CADPS2: variants seen among roughly 807,000 people sequenced by gnomAD.
CADPS2 encodes the protein calcium dependent secretion activator 2.
CADPS2 carries 93 observed loss-of-function variants against 172.5 expected under a neutral mutation model. The observed-to-expected ratio is 0.54, with a 90% CI of 0.46 to 0.64. The LOEUF is 0.64. CADPS2 is among the 30% of genes least tolerant of loss of function. CADPS2 has a pLI of 0.00. For synonymous variants in CADPS2, 546 were observed against 555.2 expected (o/e 0.98, Z 0.23); for missense variants, 1,420 against 1,565.9 (o/e 0.91, Z 1.57).
At chr7:122,479,303 C>G (rs1266240390) in intron 12 of CADPS2, among the ~76,000 whole-genome samples, 1 of 152,186 alleles carries the variant, frequency 6.6e-6, no homozygotes, top group Non-Finnish European at 1.5e-5. Flanking sequence ...TTTACCACTA[C>G]TCACATCTGA....
At chr7:122,666,346 C>CTT (rs35558114) in intron 2 of CADPS2, among the ~76,000 whole-genome samples, 47,077 of 133,276 alleles carry the variant, frequency 0.35, 9,067 homozygotes, top group African/African-American at 0.44. Context: ...TCTGCTAACA[C>CTT]TTTTTTTTTT....
intron 20 of CADPS2, 67 bp from the exon 21 acceptor site, chr7:122,393,649 C>CA (rs973144061): frequency 1.4e-5 from 21 of 1,542,128 alleles, no homozygotes; most frequent in Admixed American, 1.1e-4. Context: ...AAATATGGGC[C>CA]AAAAAAACAC....
At chr7:122,782,338 A>T (rs1792944551) in intron 1 of CADPS2, among the ~76,000 whole-genome samples, 2 of 151,080 alleles carry the variant, frequency 1.3e-5, no homozygotes, top group Non-Finnish European at 2.9e-5. Context: ...AAATAACAGT[A>T]TAGTTCAGTA....
At chr7:122,431,814 C>A (rs903930209) in intron 17 of CADPS2, among the ~76,000 whole-genome samples, 6 of 151,594 alleles carry the variant, frequency 4.0e-5, no homozygotes, top group Non-Finnish European at 8.8e-5. Flanking sequence ...CATGGTGAAA[C>A]CCCGGCTCTA....
intron 1 of CADPS2, among the ~76,000 whole-genome samples, chr7:122,787,487 T>A (rs1794315123): frequency 6.6e-6 from 1 of 152,210 alleles, no homozygotes; most frequent in South Asian, 2.1e-4. Context: ...GAAGAATTAT[T>A]CAACTTCAAA....
chr7:122,476,908 A>G (rs1029537355), intron 12 of CADPS2, among the ~76,000 whole-genome samples: 1 of 149,136 alleles, frequency 6.7e-6, no homozygotes, highest in African/African-American at 2.5e-5. Flanking sequence ...CTTAGTTTCC[A>G]TGAATTTATG....
intron 27 of CADPS2, among the ~76,000 whole-genome samples, chr7:122,356,568 T>C (rs2039435819): frequency 6.6e-6 from 1 of 152,214 alleles, no homozygotes; most frequent in Non-Finnish European, 1.5e-5. Flanking sequence ...TAGGGATATA[T>C]GCTCCACCTC....
At chr7:122,609,573 A>G (rs912665285) in intron 6 of CADPS2, among the ~76,000 whole-genome samples, 1 of 152,312 alleles carries the variant, frequency 6.6e-6, no homozygotes, top group Admixed American at 6.5e-5. Context: ...AAACTTTCAC[A>G]AATTACATTG....
chr7:122,493,517 T>C (rs7806710), intron 9 of CADPS2, among the ~76,000 whole-genome samples: 61,450 of 151,918 alleles, frequency 0.4, 12,735 homozygotes, highest in African/African-American at 0.48. Flanking sequence ...AAAGATAACA[T>C]TTCATTAGAA....
intron 8 of CADPS2, among the ~76,000 whole-genome samples, chr7:122,514,296 G>A (rs2060197858): frequency 6.6e-6 from 1 of 152,052 alleles, no homozygotes; most frequent in Non-Finnish European, 1.5e-5. Flanking sequence ...TGCAGAGGCT[G>A]TTCAAACGAA....
chr7:122,360,377 T>C (rs1222868045), intron 27 of CADPS2, among the ~76,000 whole-genome samples: 1 of 152,240 alleles, frequency 6.6e-6, no homozygotes, highest in African/African-American at 2.4e-5. Context: ...ATAACACTTG[T>C]GTATTTAGAA....
At chr7:122,778,639 A>G (rs13239090) in intron 1 of CADPS2, among the ~76,000 whole-genome samples, 12 of 152,206 alleles carry the variant, frequency 7.9e-5, no homozygotes, top group Non-Finnish European at 7.4e-5. Flanking sequence ...TGCTCCAGCC[A>G]CAGCTAAAGG....
chr7:122,679,106 G>T (rs2082698118), intron 2 of CADPS2, among the ~76,000 whole-genome samples: 1 of 151,474 alleles, frequency 6.6e-6, no homozygotes, highest in South Asian at 2.1e-4. Flanking sequence ...TGATTTTCAG[G>T]GAACAAGGGA....
intron 8 of CADPS2, among the ~76,000 whole-genome samples, chr7:122,532,085 A>C (rs1468100441): frequency 1.3e-5 from 2 of 152,078 alleles, no homozygotes; most frequent in Non-Finnish European, 2.9e-5. Context: ...GCCTGTTAGC[A>C]TTATCTTGAC....
At chr7:122,839,504 G>A (rs1391047465) in intron 1 of CADPS2, among the ~76,000 whole-genome samples, 1 of 152,144 alleles carries the variant, frequency 6.6e-6, no homozygotes, top group Admixed American at 6.5e-5. Context: ...CCTACAGAAT[G>A]GGAGAACATT....
At chr7:122,376,910 TATC>T (rs1465666751) in intron 25 of CADPS2, among the ~76,000 whole-genome samples, 5 of 152,140 alleles carry the variant, frequency 3.3e-5, no homozygotes, top group Admixed American at 2.0e-4. Flanking sequence ...GTTTTAAAAA[TATC>T]ATAATTATGG....
intron 3 of CADPS2, among the ~76,000 whole-genome samples, chr7:122,636,973 G>C (rs1198012569): frequency 1.3e-5 from 2 of 151,886 alleles, no homozygotes; most frequent in African/African-American, 4.8e-5. Flanking sequence ...CCTCTGTCAG[G>C]AATGCCAATG....
intron 1 of CADPS2, among the ~76,000 whole-genome samples, chr7:122,801,799 G>A (rs1322741959): frequency 6.6e-6 from 1 of 150,594 alleles, no homozygotes; most frequent in Non-Finnish European, 1.5e-5. Flanking sequence ...CTGGAGACAT[G>A]GTCTCACTAT....
intron 10 of CADPS2, 23 bp from the exon 11 acceptor site, chr7:122,490,304 T>A (rs547153784): frequency 2.5e-6 from 4 of 1,604,304 alleles, no homozygotes; most frequent in South Asian, 2.2e-5. Context: ...CAAAAAGACA[T>A]CATTAAAAAT....
Sources: allele counts gnomAD v4.1 joint callset (sites outside exome capture counted in the v4.1 genomes callset), GRCh38; gene constraint gnomAD v4.1.1; transcripts MANE v1.5; gene names NCBI Gene and HGNC (gene_info 2026-07-23, HGNC 2026-07-21).